The following LRMDA variants were observed in gnomAD, a reference collection of about 807,000 sequenced individuals.
LRMDA encodes the protein leucine rich melanocyte differentiation associated, also known as leucine-rich melanocyte differentiation-associated protein.
In LRMDA, 18 loss-of-function variants were observed where a neutral mutation model predicts 29.8. The ratio of observed to expected loss-of-function variants is 0.60; its 90% CI spans 0.42 to 0.90. LRMDA has a LOEUF of 0.90. Ranked by LOEUF, LRMDA falls within the 40% of genes least tolerant of loss-of-function variation. The pLI, the probability that LRMDA is intolerant of heterozygous loss-of-function variation, is 0.00. For synonymous variants in LRMDA, 125 were observed against 109.4 expected (o/e 1.14, Z -0.89); for missense variants, 273 against 273.9 (o/e 1.00, Z 0.02).
At chr10:75,540,534 G>C (rs1474219863) in intron 2 of LRMDA, among the ~76,000 whole-genome samples, 1 of 152,096 alleles carries the variant, frequency 6.6e-6, no homozygotes, top group Non-Finnish European at 1.5e-5. Context: ...CACTTGGCTG[G>C]TTTCTGTAGA....
chr10:75,829,391 G>A (rs1244626017), intron 2 of LRMDA, among the ~76,000 whole-genome samples: 1 of 152,138 alleles, frequency 6.6e-6, no homozygotes, highest in African/African-American at 2.4e-5. Context: ...GTTTTAATGG[G>A]CTGTCTGTGG....
At chr10:75,893,152 G>A (rs1398512341) in intron 2 of LRMDA, among the ~76,000 whole-genome samples, 1 of 152,164 alleles carries the variant, frequency 6.6e-6, no homozygotes, top group African/African-American at 2.4e-5. Flanking sequence ...GGGCTTCTTA[G>A]TGACGACCTG....
chr10:76,478,131 A>C (rs1167974702), intron 6 of LRMDA, among the ~76,000 whole-genome samples: 1 of 152,156 alleles, frequency 6.6e-6, no homozygotes, highest in African/African-American at 2.4e-5. Flanking sequence ...CAGATGGGAA[A>C]AAATTTTTGC....
intron 5 of LRMDA, among the ~76,000 whole-genome samples, chr10:76,114,811 C>T (rs1849641223): frequency 1.3e-5 from 2 of 152,210 alleles, no homozygotes; most frequent in South Asian, 4.1e-4. Flanking sequence ...GTCAACAGCA[C>T]CCAGAGCAAG....
At position 76,047,110 on chromosome 10, in the gene LRMDA, T is replaced by A. The variant is rs1848451639; in HGVS notation, c.259-54T>A. 3 of 1,603,980 alleles carry A rather than the reference T, an allele frequency of 1.9e-6. No homozygotes were observed. In the Admixed American group the frequency reaches 5.0e-5, roughly 27 times the overall value. On this transcript the variant is annotated intron_variant, in intron 3 of 6. Coordinates refer to ENST00000611255, the MANE Select transcript of LRMDA (RefSeq NM_001305581.2). ...ATCAGCGCCTGTCAGTCATGGCCTA[T>A]GCTCATTGCTAAGCCTTTTGTCTTA...
chr10:75,562,984 T>C (rs1379121739), intron 2 of LRMDA, among the ~76,000 whole-genome samples: 9 of 152,148 alleles, frequency 5.9e-5, no homozygotes, highest in Non-Finnish European at 1.3e-4. Flanking sequence ...ATTTCAACCT[T>C]GGTGAATCTG....
chr10:75,984,653 G>A (rs1847233056), intron 2 of LRMDA, among the ~76,000 whole-genome samples: 1 of 152,268 alleles, frequency 6.6e-6, no homozygotes, highest in African/African-American at 2.4e-5. Context: ...GTCACAGCCA[G>A]GCAGAGGGCT....
chr10:75,929,183 G>A (rs551501581), intron 2 of LRMDA, among the ~76,000 whole-genome samples: 3 of 152,284 alleles, frequency 2.0e-5, no homozygotes, highest in Non-Finnish European at 4.4e-5. Context: ...AAGGTAGGGT[G>A]TGACCAGGGA....
intron 3 of LRMDA, among the ~76,000 whole-genome samples, chr10:76,046,923 T>A (rs1848448314): frequency 1.3e-5 from 2 of 152,164 alleles, no homozygotes; most frequent in African/African-American, 4.8e-5. Context: ...GACAATCAAG[T>A]TTATTCATTC....
At chr10:75,991,675 G>T (rs1847372610) in intron 2 of LRMDA, among the ~76,000 whole-genome samples, 1 of 152,368 alleles carries the variant, frequency 6.6e-6, no homozygotes, top group African/African-American at 2.4e-5. Flanking sequence ...ACCTACTAGA[G>T]TTGATGAGTG....
chr10:76,343,545 T>C (rs1359467671), intron 6 of LRMDA, among the ~76,000 whole-genome samples: 1 of 152,162 alleles, frequency 6.6e-6, no homozygotes, highest in Non-Finnish European at 1.5e-5. Context: ...CAAAAAGGCT[T>C]TGGCCAAAAA....
chr10:75,770,357 A>G (rs971089525), intron 2 of LRMDA, among the ~76,000 whole-genome samples: 3 of 152,234 alleles, frequency 2.0e-5, no homozygotes, highest in African/African-American at 7.2e-5. Context: ...ATGGTTGCAC[A>G]ACAGTATGAA....
chr10:75,744,906 T>C (rs1289343653), intron 2 of LRMDA, among the ~76,000 whole-genome samples: 1 of 152,186 alleles, frequency 6.6e-6, no homozygotes, highest in Admixed American at 6.5e-5. Flanking sequence ...TCTCCCTGCC[T>C]GAAGACCTTC....
intron 2 of LRMDA, among the ~76,000 whole-genome samples, chr10:75,887,544 C>CT (rs35154017): frequency 0.011 from 1,681 of 148,144 alleles, 12 homozygotes; most frequent in Middle Eastern, 0.035. Flanking sequence ...CTGTTGCTAC[C>CT]TTTTTTTTTT....
chr10:75,891,688 A>T (rs1845494401), intron 2 of LRMDA, among the ~76,000 whole-genome samples: 1 of 152,232 alleles, frequency 6.6e-6, no homozygotes, highest in Admixed American at 6.5e-5. Flanking sequence ...TTGGTGGATC[A>T]GAGTGTGATT....
intron 2 of LRMDA, among the ~76,000 whole-genome samples, chr10:75,482,590 C>T (rs1271138121): frequency 6.6e-6 from 1 of 152,142 alleles, no homozygotes; most frequent in Non-Finnish European, 1.5e-5. Flanking sequence ...TTCCTGGCTT[C>T]CTGCACAGGG....
At chr10:76,473,477 C>T (rs147732449) in intron 6 of LRMDA, among the ~76,000 whole-genome samples, 3 of 151,566 alleles carry the variant, frequency 2.0e-5, no homozygotes, top group Non-Finnish European at 4.4e-5. Flanking sequence ...TCCACTATCT[C>T]CACTTTTATT....
intron 6 of LRMDA, among the ~76,000 whole-genome samples, chr10:76,463,740 T>A (rs1359451542): frequency 6.6e-6 from 1 of 152,040 alleles, no homozygotes; most frequent in African/African-American, 2.4e-5. Context: ...TTTGTTCTCT[T>A]CATAGCCTTG....
At chr10:75,896,141 C>A (rs927298204) in intron 2 of LRMDA, among the ~76,000 whole-genome samples, 1 of 152,194 alleles carries the variant, frequency 6.6e-6, no homozygotes, top group Non-Finnish European at 1.5e-5. Context: ...TTATTACAGT[C>A]ATTCATGGGT....
Sources: allele counts gnomAD v4.1 joint callset (sites outside exome capture counted in the v4.1 genomes callset), GRCh38; gene constraint gnomAD v4.1.1; transcripts MANE v1.5; gene names NCBI Gene and HGNC (gene_info 2026-07-23, HGNC 2026-07-21).